Variants in ULK4 observed in about 807,000 individuals in gnomAD.
ULK4 encodes inactive serine/threonine-protein kinase ULK4.
In ULK4, 133 loss-of-function variants were observed where a neutral mutation model predicts 160.6. The observed-to-expected ratio is 0.83, with a 90% CI of 0.72 to 0.96. ULK4 has a LOEUF of 0.96. Among genes scored for constraint, ULK4 ranks in the 40% least tolerant of loss-of-function variants. The pLI is 0.00. For missense variants in ULK4, 1,580 were observed against 1,499.5 expected, an observed-to-expected ratio of 1.05 and a Z score of -0.89; for synonymous variants, 534 against 539.8, an observed-to-expected ratio of 0.99 and a Z score of 0.15.
chr3:41,420,711 C>G (rs887434613), intron 34 of ULK4, among the ~76,000 whole-genome samples: 6 of 151,188 alleles, frequency 4.0e-5, no homozygotes, highest in Admixed American at 2.6e-4. Context: ...TCTCAAACTC[C>G]CAACCTCAGG....
intron 32 of ULK4, among the ~76,000 whole-genome samples, chr3:41,463,756 C>T (rs1432882385): frequency 6.6e-6 from 1 of 152,164 alleles, no homozygotes; most frequent in Non-Finnish European, 1.5e-5. Context: ...CCCTTTGTCT[C>T]TGCAAACCTC....
intron 21 of ULK4, chr3:41,766,941 G>C (rs2039183875): frequency 6.6e-6 from 1 of 152,222 alleles, no homozygotes; most frequent in Non-Finnish European, 1.5e-5. Context: ...TTTGAAAACT[G>C]AAAGAGCTAC....
At position 41,506,767 on chromosome 3, in the gene ULK4, AATATATAT is replaced by A. The variant is rs71075470; in HGVS notation, c.3227-43522_3227-43515del. 2.7e-3 allele frequency among the ~76,000 whole-genome samples: 156 copies of A among 56,792 alleles called. 14 individuals are homozygous for A. The highest frequency in any genetic ancestry group is 0.012 in the African/African-American group (146 of 12,246). The allele number at this position is 56,792 out of a possible 152,430, so 37.3% of individuals were successfully genotyped here. A position where few individuals can be genotyped will look rare whatever the true frequency, so the allele number is the denominator to read the frequency against. On this transcript the variant is annotated intron_variant, in intron 32 of 36. Transcript: ENST00000301831. Reference sequence around the variant, plus strand: ...AGCAATACACTGGAGTGTGATTTAAAATATATATATATATATATATATATATATATATA... The same window carrying A: ...AGCAATACACTGGAGTGTGATTTAAAATATATATATATATATATATATATA...
intron 35 of ULK4, among the ~76,000 whole-genome samples, chr3:41,255,854 G>A (rs1469654258): frequency 6.6e-6 from 1 of 152,172 alleles, no homozygotes; most frequent in East Asian, 1.9e-4. Flanking sequence ...TATACAACAA[G>A]AGTAACAGAA....
chr3:41,661,987 C>T (rs2035187818), intron 30 of ULK4, among the ~76,000 whole-genome samples: 1 of 151,898 alleles, frequency 6.6e-6, no homozygotes, highest in African/African-American at 2.4e-5. Context: ...GTGGAATGAG[C>T]CAAAGTTACA....
intron 32 of ULK4, among the ~76,000 whole-genome samples, chr3:41,507,677 A>C (rs1000423256): frequency 2.0e-5 from 3 of 151,066 alleles, no homozygotes; most frequent in Non-Finnish European, 2.9e-5. Flanking sequence ...TTACACTGTC[A>C]ATTTTAGAAA....
chr3:41,733,725 ATTTTTTT>A (rs778572755), intron 22 of ULK4, among the ~76,000 whole-genome samples: 2 of 93,620 alleles, frequency 2.1e-5, no homozygotes, highest in African/African-American at 6.3e-5. Context: ...TAAACACATG[ATTTTTTT>A]TTTTTTTTTT....
At chr3:41,521,553 A>C (rs74611950) in intron 32 of ULK4, among the ~76,000 whole-genome samples, 18 of 152,318 alleles carry the variant, frequency 1.2e-4, no homozygotes, top group South Asian at 4.1e-4. Flanking sequence ...AGTACTCTGC[A>C]TAAGAATCTA....
chr3:41,514,606 A>G (rs2085691285), intron 32 of ULK4, among the ~76,000 whole-genome samples: 1 of 152,240 alleles, frequency 6.6e-6, no homozygotes. Flanking sequence ...CCATAAAAAC[A>G]ATGAAATCAT....
At chr3:41,928,919 G>A (rs1314808483) in intron 5 of ULK4, among the ~76,000 whole-genome samples, 2 of 151,820 alleles carry the variant, frequency 1.3e-5, no homozygotes, top group Non-Finnish European at 2.9e-5. Context: ...TACAAAGAGG[G>A]GCTGATAACA....
intron 31 of ULK4, among the ~76,000 whole-genome samples, chr3:41,570,833 G>T (rs1393146421): frequency 4.6e-5 from 7 of 152,176 alleles, no homozygotes; most frequent in African/African-American, 7.2e-5. Flanking sequence ...GGGACCCCCT[G>T]CCTGGAGATC....
At chr3:41,593,921 T>C (rs1179588604) in intron 31 of ULK4, among the ~76,000 whole-genome samples, 2 of 151,422 alleles carry the variant, frequency 1.3e-5, no homozygotes, top group African/African-American at 4.9e-5. Flanking sequence ...TAGTCCCAGC[T>C]ACCGGGGTTG....
chr3:41,645,539 G>C (rs909240533), intron 30 of ULK4, among the ~76,000 whole-genome samples: 1 of 152,116 alleles, frequency 6.6e-6, no homozygotes, highest in Non-Finnish European at 1.5e-5. Context: ...TAGTTTGATT[G>C]CACTGTGGTC....
At chr3:41,619,780 A>G (rs186070879) in intron 30 of ULK4, among the ~76,000 whole-genome samples, 3 of 152,330 alleles carry the variant, frequency 2.0e-5, no homozygotes, top group East Asian at 3.9e-4. Context: ...AGCAGAACTG[A>G]AAGAGATGGA....
At position 41,703,834 on chromosome 3, in the gene ULK4, G is replaced by GCACACA. The variant is rs35693704; in HGVS notation, c.2781+1217_2781+1222dup. On this transcript the variant is annotated intron_variant, in intron 27 of 36. Coordinates refer to ENST00000301831, the MANE Select transcript of ULK4 (RefSeq NM_017886.4). ...TTTAAGTGAAGGATTTAATGCGCAT[G>GCACACA]CACACACACACACACACACACACAC... Among the ~76,000 whole-genome samples, 982 of 129,266 alleles carry GCACACA rather than the reference G, an allele frequency of 7.6e-3. 10 individuals are homozygous for GCACACA. Among genetic ancestry groups the GCACACA allele is most frequent in the African/African-American group, 0.033 (883 of 27,074 alleles). The allele number at this position is 129,266 out of a possible 152,430, so 84.8% of individuals were successfully genotyped here.
At chr3:41,729,799 A>G (rs996353985) in intron 22 of ULK4, among the ~76,000 whole-genome samples, 1 of 152,208 alleles carries the variant, frequency 6.6e-6, no homozygotes, top group African/African-American at 2.4e-5. Flanking sequence ...TCTGCAGCCC[A>G]AGCCACTGAA....
chr3:41,285,410 A>T (rs1384843254), intron 35 of ULK4, among the ~76,000 whole-genome samples: 1 of 152,248 alleles, frequency 6.6e-6, no homozygotes, highest in African/African-American at 2.4e-5. Context: ...CTACTCAGCC[A>T]TAAAAAGGAA....
chr3:41,755,093 C>T (rs945547179), intron 21 of ULK4, among the ~76,000 whole-genome samples: 1 of 152,196 alleles, frequency 6.6e-6, no homozygotes, highest in Non-Finnish European at 1.5e-5. Context: ...TAAATAATTT[C>T]TATAAATATG....
intron 22 of ULK4, among the ~76,000 whole-genome samples, chr3:41,746,401 A>ATT (rs2038426306): frequency 3.3e-5 from 5 of 151,260 alleles, no homozygotes; most frequent in Admixed American, 3.3e-4. Context: ...ATGATGCAAT[A>ATT]CCATTTACAA....
Sources: gnomAD v4.1 joint callset for allele counts (sites outside exome capture counted in the v4.1 genomes callset) on GRCh38, gnomAD v4.1.1 for gene constraint, MANE v1.5 for transcripts, NCBI Gene and HGNC (gene_info 2026-07-23, HGNC 2026-07-21) for gene names.